Variants in IL1RAPL1 observed in about 807,000 individuals in gnomAD.
IL1RAPL1 encodes interleukin 1 receptor accessory protein like 1.
A neutral mutation model predicts 48.4 loss-of-function variants in IL1RAPL1; 3 were observed. The observed-to-expected ratio is 0.06, with a 90% CI of 0.03 to 0.16. The LOEUF is 0.16. Among genes scored for constraint, IL1RAPL1 ranks in the 10% least tolerant of loss-of-function variants. IL1RAPL1 has a pLI of 1.00. For missense variants in IL1RAPL1, 349 were observed against 530.6 expected, an observed-to-expected ratio of 0.66 and a Z score of 3.36; for synonymous variants, 185 against 187.7, an observed-to-expected ratio of 0.99 and a Z score of 0.12.
chrX:29,445,015 C>T (rs1934596381), intron 5 of IL1RAPL1, among the ~76,000 whole-genome samples: 1 of 112,520 alleles, frequency 8.9e-6, no homozygotes, highest in Admixed American at 9.4e-5. Context: ...TTCCTTTCTT[C>T]ACGTTAGCCC....
intron 1 of IL1RAPL1, among the ~76,000 whole-genome samples, chrX:28,762,786 G>GCGCGCGCA (rs1366464632): frequency 3.3e-4 from 21 of 62,971 alleles, no homozygotes; most frequent in African/African-American, 1.2e-3. Context: ...GCACGCGCGC[G>GCGCGCGCA]CACACACACA....
intron 5 of IL1RAPL1, among the ~76,000 whole-genome samples, chrX:29,546,117 G>A (rs1921619461): frequency 8.9e-6 from 1 of 111,772 alleles, no homozygotes; most frequent in Non-Finnish European, 1.9e-5. Context: ...CACCAACAAA[G>A]TCAATTATCT....
At position 29,109,296 on chromosome X, in the gene IL1RAPL1, C is replaced by CTT. The variant is rs1284553812; in HGVS notation, c.83-173627_83-173626dup. On this transcript the variant is annotated intron_variant, in intron 2 of 10. Coordinates refer to ENST00000378993, the MANE Select transcript of IL1RAPL1 (RefSeq NM_014271.4). Reference sequence around the variant, plus strand: ...TTTGTCATTTCAGAGAGTACCTGTTCTTTTTTTTTTTTTTTTGTAGAAAAT... The same window carrying CTT: ...TTTGTCATTTCAGAGAGTACCTGTTCTTTTTTTTTTTTTTTTTTGTAGAAAAT... Among the ~76,000 whole-genome samples the CTT allele has an allele frequency of 4.4e-3, 395 of 90,441 alleles. 4 individuals are homozygous for CTT. The highest frequency in any genetic ancestry group is 0.011 in the African/African-American group (262 of 24,777). 78.5% of individuals were successfully genotyped at this position (90,441 alleles called of 115,157 possible).
At position 29,045,919 on chromosome X, in the gene IL1RAPL1, TTCCTCCTCCTCCTCCTCCTTCTTCC is replaced by T. The variant is rs1449929750; in HGVS notation, c.83-236999_83-236975del. Among the ~76,000 whole-genome samples the T allele has an allele frequency of 1.4e-3, 121 of 83,555 alleles. 5 individuals carry two copies. The highest frequency in any genetic ancestry group is 5.5e-3 in the African/African-American group (116 of 21,201). 72.6% of individuals were successfully genotyped at this position (83,555 alleles called of 115,157 possible). ...CTCCACCTCCTCCTCCTCCTCCTTC[TTCCTCCTCCTCCTCCTCCTTCTTCC>T]TCCTCCTCCTCCTCCTCCTCCTTCT... is the stretch of plus-strand genomic sequence containing the variant. On this transcript the variant is annotated intron_variant, in intron 2 of 10. Transcript: ENST00000378993.
At chrX:29,719,380 A>G (rs1305752097) in intron 6 of IL1RAPL1, among the ~76,000 whole-genome samples, 3 of 111,743 alleles carry the variant, frequency 2.7e-5, no homozygotes, top group Admixed American at 1.9e-4. Context: ...GAATAATCAT[A>G]CCTACCACTA....
intron 1 of IL1RAPL1, among the ~76,000 whole-genome samples, chrX:28,768,717 C>CTG (rs1569168419): frequency 1.9e-4 from 12 of 62,174 alleles, no homozygotes; most frequent in African/African-American, 5.8e-4. Context: ...CTCTCTCTCT[C>CTG]TCTCTCTCTC....
At chrX:28,816,704 C>T (rs1936875561) in intron 2 of IL1RAPL1, among the ~76,000 whole-genome samples, 1 of 111,061 alleles carries the variant, frequency 9.0e-6, no homozygotes, top group Non-Finnish European at 1.9e-5. Flanking sequence ...AATGAACATA[C>T]AAGTGCAAAT....
chrX:28,914,307 G>A (rs1001478408), intron 2 of IL1RAPL1, among the ~76,000 whole-genome samples: 1 of 110,764 alleles, frequency 9.0e-6, no homozygotes, highest in East Asian at 2.8e-4. Context: ...ATAAGCACAG[G>A]AAATATAACA....
At chrX:29,763,745 TCAAGA>T (rs1233602630) in intron 6 of IL1RAPL1, among the ~76,000 whole-genome samples, 5 of 111,008 alleles carry the variant, frequency 4.5e-5, no homozygotes, top group African/African-American at 1.6e-4. Context: ...GGGCATAGGT[TCAAGA>T]CAAGACAATT....
At chrX:28,818,210 T>A (rs1288516879) in intron 2 of IL1RAPL1, among the ~76,000 whole-genome samples, 2 of 111,002 alleles carry the variant, frequency 1.8e-5, no homozygotes, top group Non-Finnish European at 1.9e-5. Context: ...TTTACAAAAA[T>A]TTAAGGACAC....
At chrX:29,194,176 G>A (rs903124824) in intron 2 of IL1RAPL1, among the ~76,000 whole-genome samples, 5 of 112,093 alleles carry the variant, frequency 4.5e-5, no homozygotes, top group Non-Finnish European at 9.4e-5. Flanking sequence ...TTCTGAAAGA[G>A]AAACATTACC....
intron 6 of IL1RAPL1, among the ~76,000 whole-genome samples, chrX:29,786,117 C>T (rs1212077583): frequency 9.1e-6 from 1 of 110,349 alleles, no homozygotes; most frequent in East Asian, 2.8e-4. Context: ...AATGGAAAAG[C>T]ATTCATTCAT....
chrX:28,959,898 A>G (rs966551124), intron 2 of IL1RAPL1, among the ~76,000 whole-genome samples: 3 of 111,927 alleles, frequency 2.7e-5, no homozygotes, highest in Non-Finnish European at 5.6e-5. Flanking sequence ...ATTTCACTCT[A>G]CATTTATTTA....
intron 6 of IL1RAPL1, among the ~76,000 whole-genome samples, chrX:29,691,975 G>T (rs924638974): frequency 8.9e-6 from 1 of 112,398 alleles, no homozygotes; most frequent in Non-Finnish European, 1.9e-5. Context: ...GGAATGGAAT[G>T]TCCTCACTGA....
intron 2 of IL1RAPL1, among the ~76,000 whole-genome samples, chrX:28,988,751 ATTAT>A (rs1325006105): frequency 1.8e-5 from 2 of 111,860 alleles, no homozygotes; most frequent in African/African-American, 3.2e-5. Flanking sequence ...CTGTGGGTAA[ATTAT>A]TATGAAAGAT....
intron 6 of IL1RAPL1, among the ~76,000 whole-genome samples, chrX:29,705,349 G>A (rs1927164680): frequency 9.0e-6 from 1 of 110,596 alleles, no homozygotes; most frequent in Non-Finnish European, 1.9e-5. Flanking sequence ...CAAGTAGCCG[G>A]GATTACAGGC....
At position 28,856,015 on chromosome X, in the gene IL1RAPL1, T is replaced by C. The variant is rs529567149; in HGVS notation, c.82+66590T>C. On this transcript the variant is annotated intron_variant, in intron 2 of 10. Coordinates refer to ENST00000378993, the MANE Select transcript of IL1RAPL1 (RefSeq NM_014271.4). ...AATACAAAATCTCCAAGTGGTCATA[T>C]AAATTGTTAGCAGTGAAGAAACTCA... Among the ~76,000 whole-genome samples the C allele has an allele frequency of 2.7e-5, 3 of 112,146 alleles. No homozygotes were observed. The South Asian group carries it at 1.1e-3, about 41-fold the overall frequency.
At chrX:29,617,084 A>C (rs1462702592) in intron 5 of IL1RAPL1, among the ~76,000 whole-genome samples, 1 of 111,380 alleles carries the variant, frequency 9.0e-6, no homozygotes, top group East Asian at 2.8e-4. Flanking sequence ...ATATAGGAGC[A>C]TGTAGCGCTG....
intron 3 of IL1RAPL1, among the ~76,000 whole-genome samples, chrX:29,357,521 A>G (rs772335358): frequency 5.3e-4 from 60 of 112,461 alleles, no homozygotes; most frequent in Admixed American, 1.4e-3. Context: ...AAATCATACA[A>G]TTGAGATAAA....
Sources: gnomAD v4.1 joint callset for allele counts (sites outside exome capture counted in the v4.1 genomes callset) on GRCh38, gnomAD v4.1.1 for gene constraint, MANE v1.5 for transcripts, NCBI Gene and HGNC (gene_info 2026-07-23, HGNC 2026-07-21) for gene names.